Variants in GALNT13 observed in about 807,000 individuals in gnomAD.
GALNT13 encodes the protein UDP-GalNAc:polypeptide N-acetylgalactosaminyltransferase 13.
GALNT13 carries 28 observed loss-of-function variants against 64.2 expected under a neutral mutation model. The ratio of observed to expected loss-of-function variants is 0.44; its 90% CI spans 0.32 to 0.60. The LOEUF (loss-of-function observed/expected upper bound fraction) is 0.60. Ranked by LOEUF, GALNT13 falls within the 20% of genes least tolerant of loss-of-function variation. The pLI, the probability that GALNT13 is intolerant of heterozygous loss-of-function variation, is 0.05. For synonymous variants in GALNT13, 214 were observed against 224.6 expected (o/e 0.95, Z 0.42); for missense variants, 577 against 669.8 (o/e 0.86, Z 1.53).
chr2:153,218,839 G>C, the GALNT13 span, among the ~76,000 whole-genome samples: 2 of 152,170 alleles, frequency 1.3e-5, no homozygotes, highest in African/African-American at 4.8e-5. Context: ...TAAGAAAGTG[G>C]TCATGTTTTG....
the GALNT13 span, among the ~76,000 whole-genome samples, chr2:153,327,507 C>T: frequency 3.3e-5 from 5 of 151,840 alleles, no homozygotes; most frequent in Non-Finnish European, 7.4e-5. Flanking sequence ...ATTCTTTTTT[C>T]TCTAATCTTG....
At chr2:153,843,565 TCA>T in the GALNT13 span, among the ~76,000 whole-genome samples, 3 of 152,194 alleles carry the variant, frequency 2.0e-5, no homozygotes. Context: ...CATGTCCTTC[TCA>T]CATTGCAAAA....
At chr2:153,610,226 A>G in the GALNT13 span, among the ~76,000 whole-genome samples, 5,839 of 152,328 alleles carry the variant, frequency 0.038, 141 homozygotes, top group Middle Eastern at 0.068. Flanking sequence ...ACAACAAACT[A>G]TCATATTGCA....
At chr2:153,341,129 C>T in the GALNT13 span, among the ~76,000 whole-genome samples, 2 of 152,184 alleles carry the variant, frequency 1.3e-5, no homozygotes, top group Admixed American at 6.5e-5. Flanking sequence ...ATTCCACACC[C>T]AACTTTGTAA....
chr2:153,509,977 C>G, the GALNT13 span, among the ~76,000 whole-genome samples: 1 of 152,120 alleles, frequency 6.6e-6, no homozygotes, highest in Non-Finnish European at 1.5e-5. Context: ...TTACACTGCA[C>G]TATGTTGTTT....
chr2:153,322,652 T>G, the GALNT13 span, among the ~76,000 whole-genome samples: 1 of 152,080 alleles, frequency 6.6e-6, no homozygotes, highest in South Asian at 2.1e-4. Flanking sequence ...TCCCTCCCCT[T>G]GCTCCCCACC....
intron 3 of GALNT13, among the ~76,000 whole-genome samples, chr2:154,112,481 A>G (rs758649897): frequency 6.6e-6 from 1 of 152,212 alleles, no homozygotes; most frequent in Non-Finnish European, 1.5e-5. Flanking sequence ...ACAGTTTTTG[A>G]TCACTTGGAG....
chr2:153,223,072 G>A, the GALNT13 span, among the ~76,000 whole-genome samples: 432 of 152,362 alleles, frequency 2.8e-3, 5 homozygotes, highest in African/African-American at 9.8e-3. Flanking sequence ...CAGATGGGCC[G>A]CCGCTGCCGT....
intron 9 of GALNT13, among the ~76,000 whole-genome samples, chr2:154,354,225 T>C (rs1421992856): frequency 6.6e-6 from 1 of 152,150 alleles, no homozygotes; most frequent in Non-Finnish European, 1.5e-5. Flanking sequence ...TGTTCAGGTC[T>C]TTTGCACATT....
the GALNT13 span, among the ~76,000 whole-genome samples, chr2:153,106,143 C>T: frequency 1.3e-5 from 2 of 152,146 alleles, no homozygotes; most frequent in African/African-American, 2.4e-5. Flanking sequence ...TCAAAGATTA[C>T]TTTTGACAGT....
intron 4 of GALNT13, among the ~76,000 whole-genome samples, chr2:154,197,077 T>G (rs1321323527): frequency 1.3e-5 from 2 of 152,160 alleles, no homozygotes; most frequent in Non-Finnish European, 2.9e-5. Context: ...TTTTAAATTA[T>G]CTTCAATATC....
intron 1 of GALNT13, among the ~76,000 whole-genome samples, chr2:153,886,963 G>A (rs1687223211): frequency 6.6e-6 from 1 of 151,982 alleles, no homozygotes; most frequent in Admixed American, 6.6e-5. Context: ...CATAAATGTA[G>A]TTTAAAAATT....
the GALNT13 span, among the ~76,000 whole-genome samples, chr2:153,280,334 C>A: frequency 6.6e-6 from 1 of 151,846 alleles, no homozygotes; most frequent in South Asian, 2.1e-4. Context: ...GTCATTTATT[C>A]TTTGCATTGA....
the GALNT13 span, among the ~76,000 whole-genome samples, chr2:153,701,414 C>T: frequency 6.6e-6 from 1 of 152,152 alleles, no homozygotes; most frequent in African/African-American, 2.4e-5. Flanking sequence ...CCAGGCAATG[C>T]CATTCAGCAC....
the GALNT13 span, among the ~76,000 whole-genome samples, chr2:153,328,495 C>G: frequency 6.6e-5 from 10 of 152,186 alleles, no homozygotes; most frequent in Non-Finnish European, 1.3e-4. Flanking sequence ...TTCAGAGATG[C>G]CCTGCCCAGA....
chr2:154,258,663 C>T (rs1474355363), intron 7 of GALNT13, among the ~76,000 whole-genome samples: 1 of 151,716 alleles, frequency 6.6e-6, no homozygotes. Flanking sequence ...CCTAAGTTGA[C>T]ACCTGATAGT....
At chr2:153,770,168 C>T in the GALNT13 span, among the ~76,000 whole-genome samples, 3 of 128,790 alleles carry the variant, frequency 2.3e-5, no homozygotes, top group Non-Finnish European at 4.8e-5. Context: ...TCCCACCCCC[C>T]CGCCCCCCCA....
At chr2:153,809,508 A>C in the GALNT13 span, among the ~76,000 whole-genome samples, 1 of 152,240 alleles carries the variant, frequency 6.6e-6, no homozygotes, top group South Asian at 2.1e-4. Flanking sequence ...CCTTTTAATC[A>C]AAAAACAAAA....
chr2:153,416,751 A>G, the GALNT13 span, among the ~76,000 whole-genome samples: 2 of 152,228 alleles, frequency 1.3e-5, no homozygotes, highest in African/African-American at 2.4e-5. Flanking sequence ...ATACTCCTCT[A>G]TGTGATATGA....
Sources: gnomAD v4.1 joint callset for allele counts (sites outside exome capture counted in the v4.1 genomes callset) on GRCh38, gnomAD v4.1.1 for gene constraint, MANE v1.5 for transcripts, NCBI Gene and HGNC (gene_info 2026-07-23, HGNC 2026-07-21) for gene names.